ADGRL1: variants seen among roughly 807,000 people sequenced by gnomAD.
ADGRL1 encodes adhesion G protein-coupled receptor L1.
ADGRL1 carries 31 observed loss-of-function variants against 148.9 expected under a neutral mutation model. The observed-to-expected ratio is 0.21, with a 90% confidence interval of 0.16 to 0.28. ADGRL1 has a LOEUF of 0.28. Ranked by LOEUF, ADGRL1 falls within the 10% of genes least tolerant of loss-of-function variation. The pLI is 1.00. For missense variants in ADGRL1, 1,521 were observed against 2,058.8 expected (o/e 0.74, Z 5.05); for synonymous variants, 937 against 900.3 (o/e 1.04, Z -0.73).
In ADGRL1 at chr19:14,162,020, T is replaced by A. The variant is rs1180001149; in HGVS notation, c.1196-394A>T. ...GAATACCACCGCCCCCCATCCTCGT[T>A]CTAGCTGACTTTGGCTTATGTAACC... On this transcript the variant is annotated intron_variant, in intron 5 of 22. Transcript: ENST00000361434. The surrounding 1 kb of genome is among the most constrained non-coding windows in gnomAD (Gnocchi z 5.4). Among the ~76,000 whole-genome samples the A allele has an allele frequency of 2.0e-5, 3 of 152,134 alleles. No individual in the cohort carries two copies. The highest frequency in any genetic ancestry group is 3.9e-4 in the East Asian group (2 of 5,186).
At position 14,160,144 on chromosome 19, in the gene ADGRL1, C is replaced by T; in HGVS notation, c.1768G>A (p.Glu590Lys). The T allele has an allele frequency of 3.8e-6, 6 of 1,589,712 alleles. No individual in the cohort carries two copies. The highest frequency in any genetic ancestry group is 5.2e-6 in the Non-Finnish European group (6 of 1,160,336). ...DAQLQALRPIERESAGKNYNK... is the reference protein window; with the variant it reads ...DAQLQALRPIKRESAGKNYNK... Reference sequence around the variant, plus strand: ...TAGTTCTTGCCGGCTGACTCGCGCTCGATGGGCCGCAGGGCCTGCAGCTGG... The same window carrying T: ...TAGTTCTTGCCGGCTGACTCGCGCTTGATGGGCCGCAGGGCCTGCAGCTGG... Residue 590 changes from glutamate to lysine, a missense_variant, in exon 8 of 23, where the codon GAG (glutamate) becomes AAG (lysine). Coordinates refer to ENST00000361434, the MANE Select transcript of ADGRL1 (RefSeq NM_014921.5). The surrounding 1 kb of genome is among the most constrained non-coding windows in gnomAD (Gnocchi z 5.9).
At position 14,147,818 on chromosome 19, in the gene ADGRL1, G is replaced by C. The variant is rs1469978031; in HGVS notation, c.*3055C>G. On this transcript the variant is annotated 3_prime_UTR_variant, in exon 23 of 23. Coordinates refer to ENST00000361434, the MANE Select transcript of ADGRL1 (RefSeq NM_014921.5). The stretch of plus-strand genomic sequence containing the variant: ...TTTTTAAAACTTTTTGTTTTTTTCT[G>C]AAACGTTCTTGTTGTTATGAGCCTT... 2 of 152,302 alleles carry C rather than the reference G, an allele frequency of 1.3e-5. No homozygotes were observed. 9.4% of individuals were successfully genotyped at this position (152,302 alleles called of 1,614,324 possible).
intron 1 of ADGRL1, among the ~76,000 whole-genome samples, chr19:14,194,975 C>T (rs1413642234): frequency 1.3e-5 from 2 of 151,614 alleles, no homozygotes; most frequent in Admixed American, 6.6e-5. Flanking sequence ...GCCTCATCCT[C>T]CCAGGCTCAA....
rs1199862013 is a variant in ADGRL1, at chr19:14,161,111, G to T, written c.1510+201C>A. 6.6e-6 allele frequency among the ~76,000 whole-genome samples: 1 copy of T among 152,168 alleles called. No homozygotes were observed. On this transcript the variant is annotated intron_variant, in intron 6 of 22. Transcript: ENST00000361434. This position sits in a 1 kb window ranked among gnomAD's most constrained non-coding sequence, Gnocchi z 4.4. Reference sequence around the variant, plus strand: ...GCCGGGAGCCAGGTCACCTCCTGCGGACTCCCTGCAGGTTCTGCAGGTGGG... The same window carrying T: ...GCCGGGAGCCAGGTCACCTCCTGCGTACTCCCTGCAGGTTCTGCAGGTGGG...
At position 14,152,727 on chromosome 19, in the gene ADGRL1, C is replaced by G; in HGVS notation, c.3423+57G>C. On this transcript the variant is annotated intron_variant, in intron 19 of 22. Transcript: ENST00000361434. The surrounding 1 kb of genome is among the most constrained non-coding windows in gnomAD (Gnocchi z 6.1). ...GAAACCTAGGCCAAGCCACTCCCCA[C>G]CTCTCAGGCTCCAGGTTCCAACACT... 6.2e-7 allele frequency: 1 copy of G among 1,604,482 alleles called. No homozygotes were observed. The highest frequency in any genetic ancestry group is 8.5e-7 in the Non-Finnish European group (1 of 1,172,834).
chr19:14,166,573 AG>A, intron 4 of ADGRL1, among the ~76,000 whole-genome samples: 1 of 148,752 alleles, frequency 6.7e-6, no homozygotes, highest in Non-Finnish European at 1.5e-5. Context: ...AGAGAGAGAG[AG>A]AGAGAGAAAG....
chr19:14,160,880 CCT>C lies in ADGRL1; in HGVS notation c.1511-186_1511-185del, dbSNP rs1969293311. Among the ~76,000 whole-genome samples the C allele has an allele frequency of 1.3e-5, 2 of 152,134 alleles. No homozygotes were observed. Among genetic ancestry groups the C allele is most frequent in the African/African-American group, 2.4e-5 (1 of 41,432 alleles). ...GTCGAAAGAGGCGCCACTCACTTCCCCTGAGCTCTCCCTCCTGCCCCCTTCTG... is the reference window on the plus strand; with the variant it reads ...GTCGAAAGAGGCGCCACTCACTTCCCGAGCTCTCCCTCCTGCCCCCTTCTG... On this transcript the variant is annotated intron_variant, in intron 6 of 22. Transcript: ENST00000361434. The surrounding 1 kb of genome is among the most constrained non-coding windows in gnomAD (Gnocchi z 5.9).
At position 14,162,470 on chromosome 19, in the gene ADGRL1, A is replaced by G. The variant is rs1969492894; in HGVS notation, c.1195+136T>C. ...AAGTGCTTAGAACAGCGTCTGTCACATGCTGTGAATTTCCTTTACCTCCCG... is the reference window on the plus strand; with the variant it reads ...AAGTGCTTAGAACAGCGTCTGTCACGTGCTGTGAATTTCCTTTACCTCCCG... On this transcript the variant is annotated intron_variant, in intron 5 of 22. Coordinates refer to ENST00000361434, the MANE Select transcript of ADGRL1 (RefSeq NM_014921.5). This position sits in a 1 kb window ranked among gnomAD's most constrained non-coding sequence, Gnocchi z 5.4. 1.4e-6 allele frequency: 1 copy of G among 710,212 alleles called. No individual in the cohort carries two copies. The highest frequency in any genetic ancestry group is 1.8e-5 in the South Asian group (1 of 56,486). The allele number at this position is 710,212 out of a possible 1,614,324, so 44.0% of individuals were successfully genotyped here.
At chr19:14,191,921 C>T (rs191729803) in intron 1 of ADGRL1, among the ~76,000 whole-genome samples, 94 of 152,126 alleles carry the variant, frequency 6.2e-4, no homozygotes, top group African/African-American at 2.2e-3. Flanking sequence ...TGGTCTTGAG[C>T]TCCTGGCCTC....
chr19:14,166,726 G>A (rs1343389282), intron 4 of ADGRL1, among the ~76,000 whole-genome samples: 10 of 141,494 alleles, frequency 7.1e-5, no homozygotes, highest in Admixed American at 2.8e-4. Flanking sequence ...CAGGTCCCCC[G>A]AAAGGGCCAG....
At chr19:14,188,773 T>A (rs929278609) in intron 1 of ADGRL1, among the ~76,000 whole-genome samples, 19 of 152,214 alleles carry the variant, frequency 1.2e-4, no homozygotes, top group Admixed American at 7.2e-4. Flanking sequence ...AGGCACCACC[T>A]CCTTTTTTTT....
At chr19:14,180,380 C>G (rs924041866) in intron 2 of ADGRL1, among the ~76,000 whole-genome samples, 1 of 152,168 alleles carries the variant, frequency 6.6e-6, no homozygotes, top group African/African-American at 2.4e-5. Context: ...CTCAGCCTCC[C>G]AAGTAGCTGG....
Position 14,161,604 on chromosome 19 carries a change from GA to G in ADGRL1, c.1217del (p.Leu406ProfsTer164). The stretch of plus-strand genomic sequence containing the variant: ...TGGGCCTGGCTGTGGTGGTCGTGCT[GA>G]GGGGTGGGGAAGTGGCTGGGCCTGG... ...PSAGPATSPP[L>X]STTTTARPTP... On this transcript the variant is annotated frameshift_variant, in exon 6 of 23. Transcript: ENST00000361434. LOFTEE classifies it high-confidence loss of function. The surrounding 1 kb of genome is among the most constrained non-coding windows in gnomAD (Gnocchi z 4.4). The G allele has an allele frequency of 7.0e-7, 1 of 1,424,922 alleles. No individual in the cohort carries two copies. The highest frequency in any genetic ancestry group is 2.9e-5 in the Admixed American group (1 of 34,936). The allele number at this position is 1,424,922 out of a possible 1,614,324, so 88.3% of individuals were successfully genotyped here. A position where few individuals can be genotyped will look rare whatever the true frequency, so the allele number is the denominator to read the frequency against.
At position 14,159,700 on chromosome 19, in the gene ADGRL1, C is replaced by A; in HGVS notation, c.1839+35G>T. The stretch of plus-strand genomic sequence containing the variant: ...CCCTAATCCCCCCATCAGCTGGAGC[C>A]CACGGTCCTTACACTGGGACCCCCT... On this transcript the variant is annotated intron_variant, in intron 9 of 22. Coordinates refer to ENST00000361434, the MANE Select transcript of ADGRL1 (RefSeq NM_014921.5). This position sits in a 1 kb window ranked among gnomAD's most constrained non-coding sequence, Gnocchi z 6.0. 1 of 1,610,618 alleles carries A rather than the reference C, an allele frequency of 6.2e-7. No homozygotes were observed. The highest frequency in any genetic ancestry group is 1.1e-5 in the South Asian group (1 of 91,030).
At chr19:14,176,712 G>A (rs538306258) in intron 3 of ADGRL1, among the ~76,000 whole-genome samples, 8 of 152,108 alleles carry the variant, frequency 5.3e-5, no homozygotes, top group African/African-American at 1.9e-4. Context: ...GGTGGCAGGC[G>A]CCTGTAGTCC....
At chr19:14,173,141 A>C (rs1311636192) in intron 3 of ADGRL1, among the ~76,000 whole-genome samples, 1 of 152,050 alleles carries the variant, frequency 6.6e-6, no homozygotes, top group Admixed American at 6.6e-5. Context: ...TTGTATTTTT[A>C]GTAGAGATGG....
rs756872088 is a variant in ADGRL1, at chr19:14,151,607, A to C, written c.3676T>G (p.Leu1226Val). 2.5e-6 allele frequency: 4 copies of C among 1,598,558 alleles called. No homozygotes were observed. Among genetic ancestry groups the C allele is most frequent in the Non-Finnish European group, 3.4e-6 (4 of 1,176,926 alleles). ...ATGCCACAGGCTTCCCGGCCTCCCA[A>C]GGGGTGCTCTGCAGGGCAGAAAGGG... ...PGSYREPKHP[L>V]GGREACGMDT... Residue 1226 changes from leucine (L) to valine (V), a missense_variant, in exon 23 of 23, where the codon TTG (leucine) becomes GTG (valine). Around this residue, in one of 8 missense-constraint regions of ADGRL1, gnomAD observed 390 missense variants for 375.0 expected, o/e 1.04. Coordinates refer to ENST00000361434, the MANE Select transcript of ADGRL1 (RefSeq NM_014921.5).
At chr19:14,178,543 G>C (rs1970975860) in intron 2 of ADGRL1, among the ~76,000 whole-genome samples, 2 of 152,014 alleles carry the variant, frequency 1.3e-5, no homozygotes, top group African/African-American at 4.8e-5. Context: ...TGTTAAGATA[G>C]GATCTTCCTC....
chr19:14,183,219 G>GAGAC (rs1568616225), intron 2 of ADGRL1, among the ~76,000 whole-genome samples: 1 of 150,882 alleles, frequency 6.6e-6, no homozygotes, highest in Non-Finnish European at 1.5e-5. Flanking sequence ...GAGAGAGAGC[G>GAGAC]AGAGAGAGAC....
Sources: gnomAD v4.1 joint callset for allele counts (sites outside exome capture counted in the v4.1 genomes callset) on GRCh38, gnomAD v4.1.1 for gene constraint, gnomAD v4.1.1 regional missense constraint, Gnocchi (gnomAD v3.1) non-coding constraint, MANE v1.5 for transcripts, NCBI Gene and HGNC (gene_info 2026-07-23, HGNC 2026-07-21) for gene names.